The following UNC5D variants were observed in gnomAD, a reference collection of about 807,000 sequenced individuals.
UNC5D encodes the protein unc-5 netrin receptor D, also known as netrin receptor UNC5D.
Under a neutral mutation model 105.4 loss-of-function variants are expected in UNC5D, and 39 were observed. The ratio of observed to expected loss-of-function variants is 0.37; its 90% confidence interval spans 0.29 to 0.48. The LOEUF is 0.48. Among genes scored for constraint, UNC5D ranks in the 20% least tolerant of loss-of-function variants. UNC5D has a pLI of 0.98. For synonymous variants in UNC5D, 452 were observed against 450.4 expected (o/e 1.00, Z -0.04); for missense variants, 991 against 1,202.4 (o/e 0.82, Z 2.60).
chr8:35,402,568 AT>A, intron 1 of UNC5D, among the ~76,000 whole-genome samples: 1 of 152,234 alleles, frequency 6.6e-6, no homozygotes, highest in Middle Eastern at 3.4e-3. Context: ...CTACATGAGA[AT>A]TTGAAATGTC....
intron 4 of UNC5D, among the ~76,000 whole-genome samples, chr8:35,603,019 G>T (rs1055831713): frequency 6.6e-6 from 1 of 151,884 alleles, no homozygotes; most frequent in Non-Finnish European, 1.5e-5. Flanking sequence ...TGATTTTTTT[G>T]AAGGGTTTTT....
chr8:35,261,647 G>T (rs537003216), intron 1 of UNC5D, among the ~76,000 whole-genome samples: 3 of 151,936 alleles, frequency 2.0e-5, no homozygotes, highest in African/African-American at 4.8e-5. Flanking sequence ...GGTGGGGGGC[G>T]TGTGTGTATT....
intron 4 of UNC5D, among the ~76,000 whole-genome samples, chr8:35,651,219 C>T (rs551451393): frequency 2.0e-5 from 3 of 152,176 alleles, no homozygotes; most frequent in East Asian, 1.9e-4. Context: ...TATGTGAATA[C>T]GGCAGAAATT....
chr8:35,516,121 G>C (rs1413686558), intron 1 of UNC5D, among the ~76,000 whole-genome samples: 1 of 152,096 alleles, frequency 6.6e-6, no homozygotes, highest in East Asian at 1.9e-4. Flanking sequence ...TTGTGAGCCA[G>C]CACAAATTCC....
intron 1 of UNC5D, among the ~76,000 whole-genome samples, chr8:35,506,643 C>T (rs1323653237): frequency 6.6e-6 from 1 of 152,210 alleles, no homozygotes; most frequent in Non-Finnish European, 1.5e-5. Context: ...TCTAAAGTCA[C>T]TGTACCTTGC....
Position 35,726,455 on chromosome 8 carries a change from T to G in UNC5D, c.1607T>G (p.Leu536Arg). The change falls in exon 10 of 17, where the codon CTC becomes CGC. Residue 536 changes from leucine to arginine, a missense_variant. Physicochemically the swap from Leu to Arg is moderately radical, Grantham distance 102. Around this residue, in one of 3 missense-constraint regions of UNC5D, gnomAD observed 944 missense variants for 1,131.6 expected, o/e 0.83. Transcript: ENST00000404895. ...CCCTACATCCAAAATCTGTCATCAC[T>G]CCCCACAAGGACAGAACTGAGGACA... ...KMPYIQNLSS[L>R]PTRTELRTTG... is the part of the protein sequence containing the mutation. 1 of 1,614,020 alleles carries G rather than the reference T, an allele frequency of 6.2e-7. No homozygotes were observed. The highest frequency in any genetic ancestry group is 8.5e-7 in the Non-Finnish European group (1 of 1,180,008).
intron 4 of UNC5D, among the ~76,000 whole-genome samples, chr8:35,627,607 T>C (rs1234638388): frequency 1.3e-5 from 2 of 152,156 alleles, no homozygotes; most frequent in Non-Finnish European, 2.9e-5. Flanking sequence ...CATGAGCCAT[T>C]CCCCAGTTGA....
At chr8:35,439,699 G>C (rs1807267331) in intron 1 of UNC5D, among the ~76,000 whole-genome samples, 1 of 151,912 alleles carries the variant, frequency 6.6e-6, no homozygotes. Context: ...TCTAAATATG[G>C]AAAGTCCTTT....
At chr8:35,588,650 G>A (rs568206176) in intron 3 of UNC5D, among the ~76,000 whole-genome samples, 1 of 152,270 alleles carries the variant, frequency 6.6e-6, no homozygotes, top group East Asian at 1.9e-4. Flanking sequence ...GTTCAGTCAG[G>A]TACCCCATTG....
chr8:35,239,039 T>C (rs1209750197), intron 1 of UNC5D, among the ~76,000 whole-genome samples: 1 of 152,206 alleles, frequency 6.6e-6, no homozygotes, highest in African/African-American at 2.4e-5. Context: ...TATTTTTTCC[T>C]GATTCTTGGG....
Position 35,667,346 on chromosome 8 carries a change from G to A in UNC5D, c.571-16201G>A, listed in dbSNP as rs577650603. Among the ~76,000 whole-genome samples the A allele has an allele frequency of 2.6e-5, 4 of 152,240 alleles. No individual in the cohort carries two copies. In the South Asian group the frequency reaches 8.3e-4, roughly 32 times the overall value. ...ATTAAACTCTTACTATAGTTTCAAG[G>A]CTGATGGCGTGGCCATTTTCCAAAA... On this transcript the variant is annotated intron_variant, in intron 4 of 16. Transcript: ENST00000404895.
intron 1 of UNC5D, among the ~76,000 whole-genome samples, chr8:35,534,455 G>A (rs376611787): frequency 6.6e-6 from 1 of 151,722 alleles, no homozygotes; most frequent in Non-Finnish European, 1.5e-5. Flanking sequence ...CACTGTCACT[G>A]GTCTCCTGTT....
intron 10 of UNC5D, among the ~76,000 whole-genome samples, chr8:35,729,967 A>C (rs1019049014): frequency 6.6e-6 from 1 of 152,220 alleles, no homozygotes; most frequent in African/African-American, 2.4e-5. Flanking sequence ...GCTAACAGGC[A>C]CATAGAAGGA....
chr8:35,451,915 T>A (rs1490662052), intron 1 of UNC5D, among the ~76,000 whole-genome samples: 3 of 152,178 alleles, frequency 2.0e-5, no homozygotes, highest in Admixed American at 2.0e-4. Flanking sequence ...TTAAAGTAGA[T>A]CTTTCTTTTC....
intron 1 of UNC5D, among the ~76,000 whole-genome samples, chr8:35,283,801 T>TTA (rs1806381469): frequency 1.4e-5 from 2 of 146,622 alleles, no homozygotes; most frequent in Non-Finnish European, 3.0e-5. Context: ...AGACTCCGAA[T>TTA]AAAAAAAAAA....
chr8:35,392,516 G>T (rs1439569075), intron 1 of UNC5D, among the ~76,000 whole-genome samples: 4 of 152,096 alleles, frequency 2.6e-5, no homozygotes, highest in Non-Finnish European at 5.9e-5. Context: ...ACCATGCCTG[G>T]CCCCTCCCTC....
chr8:35,304,318 A>C (rs1163072735), intron 1 of UNC5D, among the ~76,000 whole-genome samples: 1 of 152,114 alleles, frequency 6.6e-6, no homozygotes, highest in East Asian at 1.9e-4. Context: ...AGGAAAAAAA[A>C]AGTGTTAGGC....
chr8:35,339,927 G>C (rs1026555083), intron 1 of UNC5D, among the ~76,000 whole-genome samples: 17 of 152,160 alleles, frequency 1.1e-4, no homozygotes, highest in African/African-American at 4.1e-4. Context: ...GGGAACTTTT[G>C]TCCTTGGTCA....
At chr8:35,659,973 G>A (rs1824013037) in intron 4 of UNC5D, among the ~76,000 whole-genome samples, 1 of 152,136 alleles carries the variant, frequency 6.6e-6, no homozygotes, top group South Asian at 2.1e-4. Context: ...ACCATTTAAG[G>A]GATATGATTT....
Sources: gnomAD v4.1 joint callset for allele counts (sites outside exome capture counted in the v4.1 genomes callset) on GRCh38, gnomAD v4.1.1 for gene constraint, gnomAD v4.1.1 regional missense constraint, MANE v1.5 for transcripts, NCBI Gene and HGNC (gene_info 2026-07-23, HGNC 2026-07-21) for gene names.